CDON: variants seen among roughly 807,000 people sequenced by gnomAD.
CDON encodes cell adhesion molecule-related/down-regulated by oncogenes.
In CDON, 73 loss-of-function variants were observed where a neutral mutation model predicts 120.9. That is an observed-to-expected ratio of 0.60 (90% CI 0.50 to 0.73). The LOEUF (loss-of-function observed/expected upper bound fraction) is 0.73. CDON is among the 30% of genes least tolerant of loss of function. CDON has a pLI of 0.00. For synonymous variants in CDON, 566 were observed against 573.5 expected (o/e 0.99, Z 0.19); for missense variants, 1,470 against 1,587.3 (o/e 0.93, Z 1.26).
chr11:126,015,625 G>T, intron 6 of CDON, 115 bp from the exon 7 acceptor site: 1 of 1,080,254 alleles, frequency 9.3e-7, no homozygotes, highest in Non-Finnish European at 1.4e-6. Context: ...AAGTTGCATT[G>T]TTTATTCACA....
chr11:125,996,402 A>G (rs1946783544), intron 12 of CDON, among the ~76,000 whole-genome samples: 2 of 152,158 alleles, frequency 1.3e-5, no homozygotes, highest in Admixed American at 6.6e-5. Context: ...TGGATAATAA[A>G]ACAATATTTA....
chr11:125,962,790 A>G (rs1945681402), intron 18 of CDON, among the ~76,000 whole-genome samples: 3 of 151,984 alleles, frequency 2.0e-5, no homozygotes, highest in Admixed American at 2.0e-4. Flanking sequence ...TGGAATTTCC[A>G]TTTGGTCTTT....
chr11:126,006,640 GC>G (rs1385037725), intron 8 of CDON, among the ~76,000 whole-genome samples: 2 of 152,190 alleles, frequency 1.3e-5, no homozygotes, highest in Non-Finnish European at 2.9e-5. Context: ...CTGCACTCCA[GC>G]CTGGGCAACA....
chr11:125,990,425 C>A (rs1309961578), intron 14 of CDON, among the ~76,000 whole-genome samples: 3 of 152,162 alleles, frequency 2.0e-5, no homozygotes, highest in African/African-American at 7.2e-5. Flanking sequence ...TGGCACACAG[C>A]CAACATTTCA....
intron 18 of CDON, among the ~76,000 whole-genome samples, chr11:125,977,493 G>T (rs1280601813): frequency 6.6e-6 from 1 of 152,128 alleles, no homozygotes; most frequent in Admixed American, 6.5e-5. Flanking sequence ...CCATACTCCA[G>T]TTATTTTATG....
In CDON at chr11:125,958,894, T is replaced by C. The variant is rs1259107985; in HGVS notation, c.*2048A>G. The C allele has an allele frequency of 6.6e-6, 1 of 152,346 alleles. No homozygotes were observed. The highest frequency in any genetic ancestry group is 1.5e-5 in the Non-Finnish European group (1 of 68,044). The allele number at this position is 152,346 out of a possible 1,614,324, so 9.4% of individuals were successfully genotyped here. ...AAAACTCCCTTTGTGACAGCATTGC[T>C]GTAACTTGATTGGCTAACACAGGGT... On this transcript the variant is annotated 3_prime_UTR_variant, in exon 20 of 20. Transcript: ENST00000531738.
At chr11:125,997,499 T>A in intron 11 of CDON, 89 bp from the exon 12 acceptor site, 3 of 1,035,918 alleles carry the variant, frequency 2.9e-6, no homozygotes, top group Non-Finnish European at 4.4e-6. Flanking sequence ...CCAAACTTCA[T>A]GTTATTAAAG....
At chr11:126,037,170 G>A (rs1948122882) in intron 1 of CDON, among the ~76,000 whole-genome samples, 1 of 151,274 alleles carries the variant, frequency 6.6e-6, no homozygotes, top group Non-Finnish European at 1.5e-5. Context: ...ACACAATTAT[G>A]GCTCACTGCA....
chr11:125,981,376 ACG>A, intron 16 of CDON, 47 bp from the exon 17 acceptor site: 1 of 1,581,152 alleles, frequency 6.3e-7, no homozygotes, highest in African/African-American at 1.3e-5. Flanking sequence ...ACACACACGC[ACG>A]CACACATGCA....
At chr11:126,028,870 A>T (rs934646798) in intron 1 of CDON, among the ~76,000 whole-genome samples, 1 of 152,058 alleles carries the variant, frequency 6.6e-6, no homozygotes, top group Non-Finnish European at 1.5e-5. Context: ...GCTATTCTAG[A>T]TAACACTCTA....
chr11:126,040,814 CAAAAAAAAAAAAAAAAAAAAA>C (rs71048763), intron 1 of CDON, among the ~76,000 whole-genome samples: 1 of 44,998 alleles, frequency 2.2e-5, no homozygotes, highest in African/African-American at 8.2e-5. Flanking sequence ...GACTCCGTCT[CAAAAAAAAAAAAAAAAAAAAA>C]AAAAAAAAAA....
intron 1 of CDON, among the ~76,000 whole-genome samples, chr11:126,048,757 G>A (rs1352483850): frequency 6.6e-6 from 1 of 151,834 alleles, no homozygotes; most frequent in Non-Finnish European, 1.5e-5. Flanking sequence ...AGGCTGGAAT[G>A]CAATGTGGCA....
chr11:125,961,698 C>T, intron 19 of CDON, 26 bp downstream of exon 19: 1 of 1,614,060 alleles, frequency 6.2e-7, no homozygotes, highest in East Asian at 2.2e-5. Flanking sequence ...GATCTGGAAT[C>T]CTAAGGTTGA....
intron 1 of CDON, among the ~76,000 whole-genome samples, chr11:126,056,622 C>T (rs1168121004): frequency 6.6e-6 from 1 of 152,110 alleles, no homozygotes; most frequent in Non-Finnish European, 1.5e-5. Flanking sequence ...TTAAAACAAA[C>T]AAACAAAAAC....
chr11:125,981,971 T>C (rs1392173844), intron 16 of CDON, among the ~76,000 whole-genome samples: 1 of 30,622 alleles, frequency 3.3e-5, no homozygotes, highest in African/African-American at 1.7e-4. Flanking sequence ...TTCTATTTTC[T>C]TTTTTTTTTT....
intron 8 of CDON, among the ~76,000 whole-genome samples, chr11:126,006,738 C>T (rs533846644): frequency 3.9e-5 from 6 of 152,038 alleles, no homozygotes; most frequent in African/African-American, 1.4e-4. Context: ...AGCCTTAACA[C>T]TTACTACTAA....
intron 12 of CDON, among the ~76,000 whole-genome samples, chr11:125,995,888 A>G (rs1413397247): frequency 1.3e-5 from 2 of 152,214 alleles, no homozygotes; most frequent in African/African-American, 4.8e-5. Flanking sequence ...TCCTGAAAAA[A>G]ATTGCCATGA....
chr11:125,991,597 CTTTTAA>C (rs1946632149), intron 14 of CDON, among the ~76,000 whole-genome samples: 1 of 151,900 alleles, frequency 6.6e-6, no homozygotes, highest in Non-Finnish European at 1.5e-5. Context: ...TACAATTTGA[CTTTTAA>C]TTTTATTTTC....
At chr11:125,993,769 T>C (rs1261976311) in intron 14 of CDON, among the ~76,000 whole-genome samples, 3 of 152,186 alleles carry the variant, frequency 2.0e-5, no homozygotes, top group Non-Finnish European at 4.4e-5. Context: ...CTTCAGGCCA[T>C]AGGCAAAATT....
Sources: gnomAD v4.1 joint callset for allele counts (sites outside exome capture counted in the v4.1 genomes callset) on GRCh38, gnomAD v4.1.1 for gene constraint, MANE v1.5 for transcripts, NCBI Gene and HGNC (gene_info 2026-07-23, HGNC 2026-07-21) for gene names.